Variants in RHBDF1 observed in about 807,000 individuals in gnomAD.
RHBDF1 encodes the protein rhomboid 5 homolog 1, also known as inactive rhomboid protein 1.
Under a neutral mutation model 98.6 loss-of-function variants are expected in RHBDF1, and 80 were observed. The ratio of observed to expected loss-of-function variants is 0.81; its 90% CI spans 0.68 to 0.98. The LOEUF is 0.98. Among genes scored for constraint, RHBDF1 ranks in the 50% least tolerant of loss-of-function variants. The pLI is 0.00. For synonymous variants in RHBDF1, 512 were observed against 486.8 expected (o/e 1.05, Z -0.68); for missense variants, 1,116 against 1,198.3 (o/e 0.93, Z 1.01).
At position 63,704 on chromosome 16, in the gene RHBDF1, C is replaced by G. The variant is rs1897732322; in HGVS notation, c.345G>C (p.Lys115Asn). ...GCTCCCGGAGGACCTGGGGCTTCAG[C>G]TTCCCGTAGCGCTGGCTGCAGTGAC... ...SIRHCSQRYG[K>N]LKPQVLRELD... The change falls in exon 4 of 18, where the codon AAG (lysine) becomes AAC (asparagine). Residue 115 changes from lysine (K) to asparagine (N), a missense_variant. Coordinates refer to ENST00000262316, the MANE Select transcript of RHBDF1 (RefSeq NM_022450.5). The G allele has an allele frequency of 1.2e-6, 2 of 1,613,476 alleles. No individual in the cohort carries two copies. The highest frequency in any genetic ancestry group is 2.7e-5 in the African/African-American group (2 of 74,942).
chr16:68,466 C>T (rs1897885988), intron 1 of RHBDF1, among the ~76,000 whole-genome samples: 1 of 152,234 alleles, frequency 6.6e-6, no homozygotes, highest in South Asian at 2.1e-4. Context: ...TCCCAGAAAG[C>T]CCCTCGGGGG....
chr16:60,285 T>A lies in RHBDF1; in HGVS notation c.1659-6A>T, dbSNP rs777215189. 2 of 1,614,072 alleles carry A rather than the reference T, an allele frequency of 1.2e-6. No individual in the cohort carries two copies. The highest frequency in any genetic ancestry group is 2.2e-5 in the South Asian group (2 of 91,084). On this transcript the variant is annotated splice_polypyrimidine_tract_variant and splice_region_variant and intron_variant, in intron 12 of 17. Transcript: ENST00000262316. ...AGGAGGGCTCATCACACACCCTGCA[T>A]GAGCCAAGTATGTGGTCAGACCGGC...
upstream of RHBDF1, among the ~76,000 whole-genome samples, chr16:74,120 C>T (rs1291663248): frequency 6.6e-6 from 1 of 152,162 alleles, no homozygotes; most frequent in African/African-American, 2.4e-5. Flanking sequence ...TCACGGACAC[C>T]GGGTGAGAGG....
In RHBDF1 at chr16:61,791, C is replaced by T. The variant is rs1441617158; in HGVS notation, c.1208+7G>A. The T allele has an allele frequency of 6.2e-7, 1 of 1,612,538 alleles. No homozygotes were observed. The highest frequency in any genetic ancestry group is 2.2e-5 in the East Asian group (1 of 44,852). On this transcript the variant is annotated splice_region_variant and intron_variant, in intron 8 of 17. Transcript: ENST00000262316. ...ATCCCAACCCAGGCCTTGCCTGCCACGCCTACCTGTGGTCGTCCATGTCCT... is the reference window on the plus strand; with the variant it reads ...ATCCCAACCCAGGCCTTGCCTGCCATGCCTACCTGTGGTCGTCCATGTCCT...
chr16:61,162 G>A lies in RHBDF1; in HGVS notation c.1515C>T (p.Asn505=), dbSNP rs568658190. Residue 505 remains asparagine (N), a synonymous_variant, in exon 11 of 18, where the codon AAC becomes AAT. Transcript: ENST00000262316. ...AGGTCTGCACGCAGCCCGACCTGTC[G>A]TTGCGCACGCAGCAGGCGGAGTGCT... ...REKHSACCVR[N]DRSGCVQTSE... is the part of the protein sequence containing the mutation. 12 of 1,539,480 alleles carry A rather than the reference G, an allele frequency of 7.8e-6. No individual in the cohort carries two copies. Among genetic ancestry groups the A allele is most frequent in the African/African-American group, 5.5e-5 (4 of 73,136 alleles).
chr16:60,317 C>G (rs201299424), intron 12 of RHBDF1, 38 bp from the exon 13 acceptor site: 1 of 1,612,846 alleles, frequency 6.2e-7, no homozygotes, highest in East Asian at 2.2e-5. Flanking sequence ...CGGCTTCGAG[C>G]CCCTAGCATT....
Position 59,263 on chromosome 16 carries a change from G to T in RHBDF1, c.1980C>A (p.Leu660=). The part of the protein sequence containing the change: ...PDQFYRLWLS[L]FLHAGILHCL... ...GTGTCACTTGCCCGGCGTGCAGGAA[G>T]AGGGATAGCCACAGGCGGTAGAACT... The change falls in exon 16 of 18, where the codon CTC becomes CTA. Residue 660 remains leucine, a synonymous_variant. Transcript: ENST00000262316. 1 of 1,605,852 alleles carries T rather than the reference G, an allele frequency of 6.2e-7. No individual in the cohort carries two copies. Among genetic ancestry groups the T allele is most frequent in the Non-Finnish European group, 8.5e-7 (1 of 1,175,308 alleles).
chr16:61,660 C>T lies in RHBDF1; in HGVS notation c.1245G>A (p.Ser415=), dbSNP rs768010709. 2 of 1,613,440 alleles carry T rather than the reference C, an allele frequency of 1.2e-6. No homozygotes were observed. The highest frequency in any genetic ancestry group is 1.1e-5 in the South Asian group (1 of 91,090). Residue 415 remains serine, a synonymous_variant, in exon 9 of 18, where the codon TCG becomes TCA. Transcript: ENST00000262316. ...FFTYWLTFVH[S]LVTILAVCIY... is the part of the protein sequence containing the mutation. ...TGCACACGGCTAGGATGGTGACGAG[C>T]GAGTGCACGAAGGTAAGCCAGTAGG...
chr16:65,837 G>A (rs941853049), intron 1 of RHBDF1, among the ~76,000 whole-genome samples: 3 of 152,266 alleles, frequency 2.0e-5, no homozygotes, highest in Non-Finnish European at 2.9e-5. Context: ...CGCAGACACC[G>A]TAGTGACCAC....
rs765963791 is a variant in RHBDF1 at position 61,397 on chromosome 16, G to A, written c.1383C>T (p.Ile461=). 25 of 1,589,172 alleles carry A rather than the reference G, an allele frequency of 1.6e-5. No individual in the cohort carries two copies. Among genetic ancestry groups the A allele is most frequent in the Admixed American group, 3.4e-5 (2 of 59,048 alleles). The change falls in exon 10 of 18, where the codon ATC becomes ATT. Residue 461 remains isoleucine (I), a synonymous_variant. Transcript: ENST00000262316. ...VKYVQQENFW[I]GPSSEALIHL... Reference sequence around the variant, plus strand: ...GCCCCGTCCTCACCGAGCTGGGCCCGATCCAGAAGTTCTCCTGCTGCACGT... The same window carrying A: ...GCCCCGTCCTCACCGAGCTGGGCCCAATCCAGAAGTTCTCCTGCTGCACGT...
rs374656396 is a variant in RHBDF1, at chr16:61,890, C to G, written c.1116G>C (p.Gly372=). The part of the protein sequence containing the change: ...KLFAREKRPY[G]LGMVGRLTNR... ...TGGTGAGCCGTCCCACCATGCCCAG[C>G]CCATACGGCCGCTTCTCCCGGGCGA... Residue 372 remains glycine, a synonymous_variant, in exon 8 of 18, where the codon GGG becomes GGC. Transcript: ENST00000262316. 5.0e-6 allele frequency: 8 copies of G among 1,607,904 alleles called. No homozygotes were observed. The highest frequency in any genetic ancestry group is 1.3e-5 in the African/African-American group (1 of 75,034).
At chr16:68,916 A>T (rs1174240880) in intron 1 of RHBDF1, among the ~76,000 whole-genome samples, 2 of 152,182 alleles carry the variant, frequency 1.3e-5, no homozygotes, top group African/African-American at 4.8e-5. Context: ...CACTGGGGAC[A>T]GCCCAGGCTG....
intron 7 of RHBDF1, chr16:62,297 G>T: frequency 1.4e-6 from 1 of 718,264 alleles, no homozygotes. Context: ...CCGCCTCCCC[G>T]TTGGATTCTG....
intron 1 of RHBDF1, among the ~76,000 whole-genome samples, chr16:67,892 C>T (rs1249674097): frequency 6.6e-6 from 1 of 152,144 alleles, no homozygotes; most frequent in Non-Finnish European, 1.5e-5. Flanking sequence ...TGAGCGGATG[C>T]AAGCAGGAAC....
rs370685108 is a variant in RHBDF1 at position 59,839 on chromosome 16, T to C, written c.1723-13A>G. ...TTTTGGTGCAGATCTGGGTCACAAA[T>C]GAGGACGAGCTGAGTCAGGGCCTCC... is the stretch of plus-strand genomic sequence containing the variant. On this transcript the variant is annotated splice_polypyrimidine_tract_variant and intron_variant, in intron 13 of 17. Coordinates refer to ENST00000262316, the MANE Select transcript of RHBDF1 (RefSeq NM_022450.5). 1.9e-6 allele frequency: 3 copies of C among 1,613,958 alleles called. No individual in the cohort carries two copies. The highest frequency in any genetic ancestry group is 2.5e-6 in the Non-Finnish European group (3 of 1,179,968).
intron 3 of RHBDF1, 74 bp from the exon 4 acceptor site, chr16:63,874 CG>C: frequency 1.6e-6 from 2 of 1,245,758 alleles, no homozygotes; most frequent in Non-Finnish European, 2.2e-6. Context: ...GGCCCTCCTC[CG>C]GGGCAGCATG....
chr16:58,382 G>T lies in RHBDF1; in HGVS notation c.2526C>A (p.Asp842Glu), dbSNP rs772500595. The T allele has an allele frequency of 6.2e-7, 1 of 1,613,772 alleles. No homozygotes were observed. The highest frequency in any genetic ancestry group is 1.1e-5 in the South Asian group (1 of 91,082). The change falls in exon 18 of 18, where the codon GAC becomes GAA. Residue 842 changes from aspartate to glutamate, a missense_variant. Asp to Glu is a conservative substitution (Grantham distance 45, BLOSUM62 2). Coordinates refer to ENST00000262316, the MANE Select transcript of RHBDF1 (RefSeq NM_022450.5). ...CCAGTTCGTACTTCTCACAGAACTT[G>T]TCAGTGAAGGGGATGCAGGTGAGGA... The part of the protein sequence containing the change: ...CEFLTCIPFT[D>E]KFCEKYELDA...
In RHBDF1 at chr16:61,163, T is replaced by C; in HGVS notation, c.1514A>G (p.Asn505Ser). ...GGTCTGCACGCAGCCCGACCTGTCG[T>C]TGCGCACGCAGCAGGCGGAGTGCTT... ...REKHSACCVR[N>S]DRSGCVQTSE... Residue 505 changes from asparagine to serine, a missense_variant, in exon 11 of 18, where the codon AAC becomes AGC. Physicochemically the swap from Asn to Ser is conservative, Grantham distance 46. Transcript: ENST00000262316. The C allele has an allele frequency of 1.3e-6, 2 of 1,539,622 alleles. No homozygotes were observed. The highest frequency in any genetic ancestry group is 2.4e-5 in the East Asian group (1 of 40,828).
Position 64,787 on chromosome 16 carries a change from C to T in RHBDF1, c.160G>A (p.Ala54Thr). The T allele has an allele frequency of 6.2e-7, 1 of 1,614,092 alleles. No homozygotes were observed. Among genetic ancestry groups the T allele is most frequent in the Non-Finnish European group, 8.5e-7 (1 of 1,180,008 alleles). ...GGTGAAGAGATGTGGGCTGTCTCGGCTGGCATACTCACACTCCTCAGGAAA... is the reference window on the plus strand; with the variant it reads ...GGTGAAGAGATGTGGGCTGTCTCGGTTGGCATACTCACACTCCTCAGGAAA... ...QAFLRSVSMPAETAHISSPHH... is the reference protein window; with the variant it reads ...QAFLRSVSMPTETAHISSPHH... Residue 54 changes from alanine to threonine, a missense_variant, in exon 3 of 18, where the codon GCC (alanine) becomes ACC (threonine). Physicochemically the swap from Ala to Thr is moderately conservative, Grantham distance 58 (BLOSUM62 0). Coordinates refer to ENST00000262316, the MANE Select transcript of RHBDF1 (RefSeq NM_022450.5).
Sources: allele counts gnomAD v4.1 joint callset (sites outside exome capture counted in the v4.1 genomes callset), GRCh38; gene constraint gnomAD v4.1.1; transcripts MANE v1.5; gene names NCBI Gene and HGNC (gene_info 2026-07-23, HGNC 2026-07-21).